TNRC6C: variants seen among roughly 807,000 people sequenced by gnomAD.
TNRC6C encodes trinucleotide repeat-containing gene 6C protein.
In TNRC6C, 20 loss-of-function variants were observed where a neutral mutation model predicts 153.7. The observed-to-expected ratio is 0.13, with a 90% confidence interval of 0.09 to 0.19. The LOEUF is 0.19. Ranked by LOEUF, TNRC6C falls within the 10% of genes least tolerant of loss-of-function variation. The probability of loss-of-function intolerance (pLI) is 1.00; values close to 1 mark genes in which losing one functional copy is unlikely to be tolerated. For missense variants in TNRC6C, 1,987 were observed against 2,172.0 expected (o/e 0.91, Z 1.69); for synonymous variants, 811 against 841.4 (o/e 0.96, Z 0.63).
chr17:78,089,270 T>C (rs1401668767), intron 13 of TNRC6C, among the ~76,000 whole-genome samples: 2 of 152,198 alleles, frequency 1.3e-5, no homozygotes, highest in Non-Finnish European at 1.5e-5. Flanking sequence ...GCCCGACCAC[T>C]TATCTTTACT....
At chr17:78,050,763 G>A (rs1171395143) in exon 3 of TNRC6C, 7 of 1,599,034 alleles carry the variant, frequency 4.4e-6, no homozygotes, top group Non-Finnish European at 6.0e-6. Flanking sequence ...AGGAGGACAA[G>A]TCACCCACCT....
At chr17:77,987,601 G>C (rs983312123) in intron 1 of TNRC6C, among the ~76,000 whole-genome samples, 15 of 152,150 alleles carry the variant, frequency 9.9e-5, no homozygotes, top group Non-Finnish European at 8.8e-5. Context: ...AGCAACCGGG[G>C]AATTAAGTAA....
At chr17:78,102,921 G>C (rs1382879785) in intron 18 of TNRC6C, 1 of 244,488 alleles carries the variant, frequency 4.1e-6, no homozygotes. Flanking sequence ...GGGATCACCT[G>C]AGCCCAAGAG....
intron 1 of TNRC6C, among the ~76,000 whole-genome samples, chr17:77,994,865 G>A (rs2071304625): frequency 2.0e-5 from 3 of 152,156 alleles, no homozygotes; most frequent in South Asian, 4.1e-4. Flanking sequence ...ACAGCTTGTT[G>A]TTTTATACTT....
chr17:78,042,723 TAAC>T (rs368756698), intron 2 of TNRC6C, among the ~76,000 whole-genome samples: 8 of 151,974 alleles, frequency 5.3e-5, no homozygotes, highest in East Asian at 1.9e-4. Context: ...ATGGTGGAGA[TAAC>T]AATGATGGTA....
At chr17:77,981,044 C>T (rs771567444) in intron 1 of TNRC6C, among the ~76,000 whole-genome samples, 33 of 152,102 alleles carry the variant, frequency 2.2e-4, no homozygotes, top group Admixed American at 6.5e-4. Context: ...GGTGCAGTTA[C>T]GGCTCACTGC....
intron 1 of TNRC6C, among the ~76,000 whole-genome samples, chr17:78,019,073 C>G (rs189567508): frequency 6.6e-6 from 1 of 152,132 alleles, no homozygotes; most frequent in Admixed American, 6.5e-5. Flanking sequence ...GTATGGATAG[C>G]AAGCATAGTG....
chr17:78,087,302 A>T (rs1454770541), intron 13 of TNRC6C, among the ~76,000 whole-genome samples: 1 of 152,026 alleles, frequency 6.6e-6, no homozygotes. Context: ...TTTTTTTGAG[A>T]GATGGGGGTC....
At chr17:78,026,538 G>T (rs2071944589) in intron 1 of TNRC6C, among the ~76,000 whole-genome samples, 1 of 152,198 alleles carries the variant, frequency 6.6e-6, no homozygotes, top group South Asian at 2.1e-4. Context: ...TTGGAAATGT[G>T]CCCTAGAATT....
intron 1 of TNRC6C, among the ~76,000 whole-genome samples, chr17:78,009,130 A>G (rs2071575762): frequency 6.6e-6 from 1 of 152,234 alleles, no homozygotes; most frequent in African/African-American, 2.4e-5. Flanking sequence ...AAAGGGAATC[A>G]GATATAATCC....
intron 1 of TNRC6C, among the ~76,000 whole-genome samples, chr17:77,991,703 CTG>C (rs1417916766): frequency 6.6e-6 from 1 of 152,148 alleles, no homozygotes; most frequent in Non-Finnish European, 1.5e-5. Flanking sequence ...TTTACTCTAA[CTG>C]ATATATATAT....
At chr17:78,010,857 G>A (rs9907691) in intron 1 of TNRC6C, among the ~76,000 whole-genome samples, 2,329 of 152,206 alleles carry the variant, frequency 0.015, 71 homozygotes, top group African/African-American at 0.054. Flanking sequence ...TATTCAAAAG[G>A]GTAAAAATGT....
chr17:78,069,261 G>A (rs2072943322), intron 5 of TNRC6C, among the ~76,000 whole-genome samples: 1 of 152,120 alleles, frequency 6.6e-6, no homozygotes, highest in African/African-American at 2.4e-5. Flanking sequence ...AGAATGTGAA[G>A]AGTAGCTGGT....
chr17:78,015,517 A>G (rs2143453643), intron 1 of TNRC6C, among the ~76,000 whole-genome samples: 1 of 152,312 alleles, frequency 6.6e-6, no homozygotes, highest in East Asian at 1.9e-4. Context: ...CGGGATTCTA[A>G]TTGAGGATCC....
intron 1 of TNRC6C, among the ~76,000 whole-genome samples, chr17:77,961,164 T>G (rs1211665304): frequency 3.3e-5 from 5 of 151,932 alleles, no homozygotes; most frequent in Non-Finnish European, 7.4e-5. Flanking sequence ...TTACTTTTTT[T>G]TTTTTTTTTT....
At chr17:78,087,327 AG>A (rs1275582165) in intron 13 of TNRC6C, among the ~76,000 whole-genome samples, 1 of 152,122 alleles carries the variant, frequency 6.6e-6, no homozygotes, top group East Asian at 1.9e-4. Context: ...CATGTTGCTC[AG>A]GCTGGTCTTG....
chr17:78,104,856 C>A lies in TNRC6C; in HGVS notation c.*11C>A, dbSNP rs372356057. 7.1e-7 allele frequency: 1 copy of A among 1,416,174 alleles called. No homozygotes were observed. Among genetic ancestry groups the A allele is most frequent in the Non-Finnish European group, 9.2e-7 (1 of 1,089,174 alleles). The allele number at this position is 1,416,174 out of a possible 1,614,324, so 87.7% of individuals were successfully genotyped here. On this transcript the variant is annotated 3_prime_UTR_variant, in exon 20 of 20. Coordinates refer to ENST00000301624, the Ensembl canonical transcript of TNRC6C. This position sits in a 1 kb window ranked among gnomAD's most constrained non-coding sequence, Gnocchi z 6.2. ...GGGGAGTCCCTGTAGGCTCTGCCATCATCAGCACCAGGAGAGCCGACCCCT... is the reference window on the plus strand; with the variant it reads ...GGGGAGTCCCTGTAGGCTCTGCCATAATCAGCACCAGGAGAGCCGACCCCT...
At chr17:77,986,684 G>A (rs2071174512) in intron 1 of TNRC6C, among the ~76,000 whole-genome samples, 1 of 152,064 alleles carries the variant, frequency 6.6e-6, no homozygotes, top group South Asian at 2.1e-4. Context: ...TATGAAACTG[G>A]AATAATTTAA....
upstream of TNRC6C, among the ~76,000 whole-genome samples, chr17:77,958,532 G>A (rs1598631824): frequency 6.6e-6 from 1 of 152,086 alleles, no homozygotes; most frequent in Non-Finnish European, 1.5e-5. Context: ...GGCGCGCGGG[G>A]GAGGAGCTCA....
Sources: allele counts gnomAD v4.1 joint callset (sites outside exome capture counted in the v4.1 genomes callset), GRCh38; gene constraint gnomAD v4.1.1; non-coding constraint Gnocchi (gnomAD v3.1); transcripts MANE v1.5; gene names NCBI Gene and HGNC (gene_info 2026-07-23, HGNC 2026-07-21).